The following SYN1 variants were observed in gnomAD, a reference collection of about 807,000 sequenced individuals.
SYN1 encodes synapsin-1.
A neutral mutation model predicts 44.6 loss-of-function variants in SYN1; 8 were observed. That is an observed-to-expected ratio of 0.18 (90% CI 0.11 to 0.32). The LOEUF is 0.32. SYN1 is among the 10% of genes least tolerant of loss of function. The pLI is 1.00. For synonymous variants in SYN1, 275 were observed against 280.1 expected, an observed-to-expected ratio of 0.98 and a Z score of 0.18; for missense variants, 451 against 639.4, an observed-to-expected ratio of 0.71 and a Z score of 3.18.
At chrX:47,588,272 G>A (rs924058723) in intron 5 of SYN1, among the ~76,000 whole-genome samples, 2 of 112,959 alleles carry the variant, frequency 1.8e-5, no homozygotes, top group African/African-American at 6.4e-5. Context: ...GTAAGGGCCC[G>A]AGCCCTGGTT....
intron 3 of SYN1, among the ~76,000 whole-genome samples, chrX:47,606,509 A>C (rs2057897648): frequency 9.2e-6 from 1 of 109,217 alleles, no homozygotes; most frequent in Admixed American, 9.8e-5. Context: ...AGATTGTTTG[A>C]GCCCAGAAGT....
intron 12 of SYN1, among the ~76,000 whole-genome samples, chrX:47,573,445 G>A (rs959829291): frequency 8.9e-6 from 1 of 111,894 alleles, no homozygotes; most frequent in Non-Finnish European, 1.9e-5. Flanking sequence ...GAGCAGCTGG[G>A]TGGGGCAGGG....
chrX:47,605,466 T>G (rs963847132), intron 3 of SYN1, 87 bp from the exon 4 acceptor site: 8 of 1,095,094 alleles, frequency 7.3e-6, no homozygotes, highest in African/African-American at 3.7e-5. Flanking sequence ...TAAATCTCCA[T>G]AGCTCCCAGA....
At chrX:47,609,269 G>A (rs752369095) in intron 1 of SYN1, among the ~76,000 whole-genome samples, 1 of 112,078 alleles carries the variant, frequency 8.9e-6, no homozygotes, top group African/African-American at 3.3e-5. Context: ...TCCCCACTGG[G>A]AATTGTCTTG....
At chrX:47,588,997 G>T (rs1046281255) in intron 5 of SYN1, among the ~76,000 whole-genome samples, 28 of 111,232 alleles carry the variant, frequency 2.5e-4, no homozygotes, top group African/African-American at 9.2e-4. Context: ...GATATTTTTG[G>T]GGGGGTCAAA....
intron 3 of SYN1, among the ~76,000 whole-genome samples, chrX:47,606,175 G>A (rs929829268): frequency 1.8e-5 from 2 of 111,449 alleles, no homozygotes; most frequent in Non-Finnish European, 3.8e-5. Context: ...TTATAGGCAT[G>A]AGCCACCACA....
Position 47,591,371 on chromosome X carries a change from CAG to C in SYN1, c.774+13605_774+13606del, listed in dbSNP as rs1287323035. ...GTAGTATGGCTTTGGTACAGGTTTA[CAG>C]AAAGTGGCCAATGGAACAGAATAGA... On this transcript the variant is annotated intron_variant, in intron 5 of 12. Transcript: ENST00000295987. 1.1e-4 allele frequency among the ~76,000 whole-genome samples: 12 copies of C among 112,209 alleles called. No homozygotes were observed. In the East Asian group the frequency reaches 3.3e-3, roughly 31 times the overall value.
chrX:47,605,328 T>C lies in SYN1; in HGVS notation c.579A>G (p.Ala193=), dbSNP rs1556860653. The part of the protein sequence containing the change: ...VLIRQHAFSM[A]RNGDYRSLVI... ...CCAAACTGCGGTAGTCTCCGTTGCG[T>C]GCCATGCTGAAGGCGTGCTGGCGGA... The change falls in exon 4 of 13, where the codon GCA becomes GCG. Residue 193 remains alanine (A), a synonymous_variant. Coordinates refer to ENST00000295987, the MANE Select transcript of SYN1 (RefSeq NM_006950.3). The C allele has an allele frequency of 3.3e-6, 4 of 1,211,489 alleles. No individual in the cohort carries two copies. The East Asian group carries it at 8.9e-5, about 27-fold the overall frequency.
chrX:47,578,489 A>G (rs2057784933), intron 5 of SYN1, among the ~76,000 whole-genome samples: 1 of 111,694 alleles, frequency 9.0e-6, no homozygotes, highest in South Asian at 3.7e-4. Context: ...CACACACACA[A>G]CATGCCTTGC....
At chrX:47,616,840 A>G (rs2057932765) in intron 1 of SYN1, among the ~76,000 whole-genome samples, 1 of 111,601 alleles carries the variant, frequency 9.0e-6, no homozygotes, top group Admixed American at 9.5e-5. Flanking sequence ...AACAGTGCAC[A>G]TTGTGAGCTT....
At position 47,610,925 on chromosome X, in the gene SYN1, T is replaced by C. The variant is rs180984117; in HGVS notation, c.378-3727A>G. Among the ~76,000 whole-genome samples, 72 of 111,382 alleles carry C rather than the reference T, an allele frequency of 6.5e-4. 2 individuals carry two copies. The Middle Eastern group carries it at 0.019, about 29-fold the overall frequency. ...GGATACACTCAACTTATGAAATTAA[T>C]AAGAAACATGCTGGTGAGGGTGGTA... On this transcript the variant is annotated intron_variant, in intron 1 of 12. Coordinates refer to ENST00000295987, the MANE Select transcript of SYN1 (RefSeq NM_006950.3).
chrX:47,582,235 GC>G (rs1166175504), intron 5 of SYN1: 3 of 126,314 alleles, frequency 2.4e-5, no homozygotes, highest in Non-Finnish European at 4.9e-5. Context: ...GCTGGCCCGG[GC>G]GAGGCCCAGG....
At chrX:47,578,268 A>G (rs1049934083) in intron 5 of SYN1, among the ~76,000 whole-genome samples, 20 of 110,685 alleles carry the variant, frequency 1.8e-4, no homozygotes, top group African/African-American at 6.6e-4. Flanking sequence ...TACCCGTCCA[A>G]TCAAGAGACA....
intron 1 of SYN1, among the ~76,000 whole-genome samples, chrX:47,608,277 AGG>A (rs1301105412): frequency 7.7e-5 from 1 of 12,983 alleles, no homozygotes. Flanking sequence ...GAAGGAAGGA[AGG>A]AAGGAAGGAA....
At chrX:47,597,703 A>G (rs1224094945) in intron 5 of SYN1, among the ~76,000 whole-genome samples, 1 of 112,060 alleles carries the variant, frequency 8.9e-6, no homozygotes, top group Non-Finnish European at 1.9e-5. Flanking sequence ...CTGAACTCCA[A>G]CTAAGATAAA....
intron 5 of SYN1, among the ~76,000 whole-genome samples, chrX:47,600,105 G>A (rs775765498): frequency 8.9e-6 from 1 of 112,080 alleles, no homozygotes; most frequent in Non-Finnish European, 1.9e-5. Flanking sequence ...AGGCAGAATT[G>A]GAGACAGAAA....
At chrX:47,586,211 C>T (rs746298231) in intron 5 of SYN1, 4 of 753,071 alleles carry the variant, frequency 5.3e-6, no homozygotes, top group African/African-American at 2.3e-5. Flanking sequence ...AGCCGCCAAC[C>T]GGGTGGGGCC....
At chrX:47,609,005 G>GACAC (rs757667668) in intron 1 of SYN1, among the ~76,000 whole-genome samples, 12,020 of 87,179 alleles carry the variant, frequency 0.14, 1,565 homozygotes, top group African/African-American at 0.38. Flanking sequence ...CTCTCTCTCT[G>GACAC]ACACACACAC....
intron 5 of SYN1, among the ~76,000 whole-genome samples, chrX:47,593,737 A>G (rs1296801665): frequency 8.9e-6 from 1 of 111,833 alleles, no homozygotes; most frequent in Non-Finnish European, 1.9e-5. Flanking sequence ...ATGATTTTTT[A>G]TGGGGAAGTT....
Sources: allele counts gnomAD v4.1 joint callset (sites outside exome capture counted in the v4.1 genomes callset), GRCh38; gene constraint gnomAD v4.1.1; transcripts MANE v1.5; gene names NCBI Gene and HGNC (gene_info 2026-07-23, HGNC 2026-07-21).